MARCHF5: variants seen among roughly 807,000 people sequenced by gnomAD.
MARCHF5 encodes the protein E3 ubiquitin-protein ligase MARCHF5.
A neutral mutation model predicts 36.5 loss-of-function variants in MARCHF5; 5 were observed. The observed-to-expected ratio is 0.14, with a 90% CI of 0.07 to 0.29. The LOEUF (loss-of-function observed/expected upper bound fraction) is 0.29. Among genes scored for constraint, MARCHF5 ranks in the 10% least tolerant of loss-of-function variants. The pLI is 1.00. For synonymous variants in MARCHF5, 103 were observed against 109.9 expected, an observed-to-expected ratio of 0.94 and a Z score of 0.39; for missense variants, 179 against 336.3, an observed-to-expected ratio of 0.53 and a Z score of 3.66.
chr10:92,310,238 T>C (rs1235626337), intron 1 of MARCHF5, among the ~76,000 whole-genome samples: 1 of 152,180 alleles, frequency 6.6e-6, no homozygotes, highest in Non-Finnish European at 1.5e-5. Flanking sequence ...ATGCTTTAAT[T>C]AGCAGTTGTT....
chr10:92,328,202 A>G (rs1204754871), intron 2 of MARCHF5, among the ~76,000 whole-genome samples: 2 of 150,658 alleles, frequency 1.3e-5, no homozygotes, highest in Non-Finnish European at 3.0e-5. Flanking sequence ...TGTAATTCAC[A>G]TGTCTTTATT....
intron 3 of MARCHF5, 66 bp downstream of exon 3, chr10:92,340,869 G>T: frequency 7.6e-7 from 1 of 1,313,898 alleles, no homozygotes; most frequent in Non-Finnish European, 1.0e-6. Context: ...TTTTTTGTTA[G>T]ACATTTAAAA....
At chr10:92,296,718 C>T (rs1301976169) in intron 1 of MARCHF5, among the ~76,000 whole-genome samples, 1 of 152,090 alleles carries the variant, frequency 6.6e-6, no homozygotes, top group African/African-American at 2.4e-5. Context: ...CAGAATGTCC[C>T]CAGAATGGTC....
At chr10:92,340,258 A>G (rs1393828532) in intron 2 of MARCHF5, among the ~76,000 whole-genome samples, 5 of 152,210 alleles carry the variant, frequency 3.3e-5, no homozygotes, top group African/African-American at 7.2e-5. Flanking sequence ...TTTAGGTTCA[A>G]TAATAAAGAT....
intron 2 of MARCHF5, among the ~76,000 whole-genome samples, chr10:92,325,832 C>G (rs1053203489): frequency 6.6e-6 from 1 of 152,120 alleles, no homozygotes; most frequent in African/African-American, 2.4e-5. Flanking sequence ...TGTGCACCAC[C>G]ACACCTGGCT....
chr10:92,340,879 A>T, intron 3 of MARCHF5, 76 bp downstream of exon 3: 1 of 1,239,418 alleles, frequency 8.1e-7, no homozygotes, highest in Non-Finnish European at 1.1e-6. Flanking sequence ...GACATTTAAA[A>T]GTGTATTATT....
intron 3 of MARCHF5, among the ~76,000 whole-genome samples, chr10:92,342,183 C>T (rs1038126992): frequency 6.6e-5 from 10 of 150,916 alleles, no homozygotes; most frequent in Non-Finnish European, 1.3e-4. Flanking sequence ...CAAAGTCTTA[C>T]TCTGTCACCA....
intron 2 of MARCHF5, among the ~76,000 whole-genome samples, chr10:92,312,178 A>T (rs988283779): frequency 6.6e-6 from 1 of 152,196 alleles, no homozygotes; most frequent in African/African-American, 2.4e-5. Flanking sequence ...AATTGGAAAT[A>T]ATTATTATAT....
chr10:92,331,429 C>A (rs1402846459), intron 2 of MARCHF5, among the ~76,000 whole-genome samples: 4 of 151,312 alleles, frequency 2.6e-5, no homozygotes, highest in African/African-American at 4.9e-5. Flanking sequence ...CTTACCTCCT[C>A]CCCCCCCATA....
intron 3 of MARCHF5, 108 bp downstream of exon 3, chr10:92,340,911 CATGTTCTTTCTAA>C: frequency 3.0e-6 from 3 of 994,824 alleles, no homozygotes; most frequent in Middle Eastern, 6.5e-4. Flanking sequence ...ATAACATTCT[CATGTTCTTTCTAA>C]ATGTTATTTC....
chr10:92,345,427 C>T (rs1469430814), intron 3 of MARCHF5, among the ~76,000 whole-genome samples: 2 of 152,110 alleles, frequency 1.3e-5, no homozygotes, highest in Admixed American at 6.6e-5. Flanking sequence ...ATCGCTTGAA[C>T]CTGGGAGGCA....
chr10:92,316,443 C>T (rs556873216), intron 2 of MARCHF5, among the ~76,000 whole-genome samples: 6 of 152,248 alleles, frequency 3.9e-5, no homozygotes, highest in African/African-American at 1.2e-4. Flanking sequence ...CTACTTAAAA[C>T]CTTGCTACTC....
Position 92,322,984 on chromosome 10 carries a change from C to T in MARCHF5, c.238+11647C>T, listed in dbSNP as rs559041580. 1.8e-3 allele frequency among the ~76,000 whole-genome samples: 280 copies of T among 151,720 alleles called. 3 individuals are homozygous for T. The highest frequency in any genetic ancestry group is 6.3e-3 in the African/African-American group (259 of 41,110). On this transcript the variant is annotated intron_variant, in intron 2 of 5. Coordinates refer to ENST00000358935, the MANE Select transcript of MARCHF5 (RefSeq NM_017824.5). ...ATCTCTTGACCTCGTGATCCACCCACCTTGGCCTCCCAAAGTGCTGGGATT... is the reference window on the plus strand; with the variant it reads ...ATCTCTTGACCTCGTGATCCACCCATCTTGGCCTCCCAAAGTGCTGGGATT...
chr10:92,315,381 A>G (rs891120597), intron 2 of MARCHF5, among the ~76,000 whole-genome samples: 36 of 152,374 alleles, frequency 2.4e-4, no homozygotes, highest in African/African-American at 8.2e-4. Flanking sequence ...CTGTCTGAGC[A>G]CATTTGTCAT....
rs376045016 is a variant in MARCHF5, at chr10:92,349,844, C to T, written c.720+7C>T. 1.7e-5 allele frequency: 27 copies of T among 1,603,850 alleles called. No homozygotes were observed. In the African/African-American group the frequency reaches 2.1e-4, roughly 13 times the overall value. On this transcript the variant is annotated splice_region_variant and intron_variant, in intron 5 of 5. Coordinates refer to ENST00000358935, the MANE Select transcript of MARCHF5 (RefSeq NM_017824.5). ...TTTACAAAGGACAATCTTGGTAAGA[C>T]GGCTTTAACATTACTTATATTACCT...
intron 2 of MARCHF5, among the ~76,000 whole-genome samples, chr10:92,320,128 A>G (rs1016413239): frequency 2.0e-5 from 3 of 151,756 alleles, no homozygotes; most frequent in Non-Finnish European, 2.9e-5. Flanking sequence ...ATCATAGCTC[A>G]TTGTAATCTT....
chr10:92,307,839 T>C (rs1288635086), intron 1 of MARCHF5, among the ~76,000 whole-genome samples: 2 of 151,984 alleles, frequency 1.3e-5, no homozygotes, highest in Non-Finnish European at 2.9e-5. Flanking sequence ...ACCACTGCAC[T>C]CCAGCCTGGG....
intron 2 of MARCHF5, among the ~76,000 whole-genome samples, chr10:92,337,844 C>T (rs1419765599): frequency 4.0e-5 from 6 of 151,394 alleles, no homozygotes; most frequent in African/African-American, 7.3e-5. Context: ...TGGAGAGCGT[C>T]GATAAATGTT....
At position 92,351,167 on chromosome 10, in the gene MARCHF5, A is replaced by G; in HGVS notation, c.797A>G (p.His266Arg). ...CAGCAGCAATATTTACGACAGGCACACCGCAAAATTCTGAATTATCCAGAA... is the reference window on the plus strand; with the variant it reads ...CAGCAGCAATATTTACGACAGGCACGCCGCAAAATTCTGAATTATCCAGAA... ...FKQQQYLRQA[H>R]RKILNYPEQE... Residue 266 changes from histidine (H) to arginine (R), a missense_variant, in exon 6 of 6, where the codon CAC (histidine) becomes CGC (arginine). By Grantham distance (29) the His-to-Arg change is conservative. Around this residue, in one of 3 missense-constraint regions of MARCHF5, gnomAD observed 95 missense variants for 139.5 expected, o/e 0.68. Coordinates refer to ENST00000358935, the MANE Select transcript of MARCHF5 (RefSeq NM_017824.5). 2 of 1,613,594 alleles carry G rather than the reference A, an allele frequency of 1.2e-6. No homozygotes were observed. Among genetic ancestry groups the G allele is most frequent in the African/African-American group, 1.3e-5 (1 of 75,034 alleles).
Sources: gnomAD v4.1 joint callset for allele counts (sites outside exome capture counted in the v4.1 genomes callset) on GRCh38, gnomAD v4.1.1 for gene constraint, gnomAD v4.1.1 regional missense constraint, MANE v1.5 for transcripts, NCBI Gene and HGNC (gene_info 2026-07-23, HGNC 2026-07-21) for gene names.